The following MITF variants were observed in gnomAD, a reference collection of about 807,000 sequenced individuals.
The protein encoded by MITF is microphthalmia-associated transcription factor.
A neutral mutation model predicts 60.5 loss-of-function variants in MITF; 17 were observed. The ratio of observed to expected loss-of-function variants is 0.28; its 90% CI spans 0.19 to 0.42. MITF has a LOEUF of 0.42. Among genes scored for constraint, MITF ranks in the 10% least tolerant of loss-of-function variants. The pLI, the probability that MITF is intolerant of heterozygous loss-of-function variation, is 1.00. For missense variants in MITF, 622 were observed against 683.5 expected (o/e 0.91, Z 1.00); for synonymous variants, 260 against 248.5 (o/e 1.05, Z -0.43).
At chr3:69,826,566 G>A (rs150164061) in intron 1 of MITF, among the ~76,000 whole-genome samples, 1 of 152,286 alleles carries the variant, frequency 6.6e-6, no homozygotes, top group East Asian at 1.9e-4. Context: ...TTGGAAGACA[G>A]CAAAATGTGA....
At chr3:69,793,732 C>A (rs2062783049) in intron 1 of MITF, among the ~76,000 whole-genome samples, 1 of 152,188 alleles carries the variant, frequency 6.6e-6, no homozygotes. Flanking sequence ...AATGTAATGT[C>A]ACATGCATTA....
chr3:69,905,356 G>T (rs1337746214), intron 2 of MITF, among the ~76,000 whole-genome samples: 2 of 151,810 alleles, frequency 1.3e-5, no homozygotes, highest in Non-Finnish European at 2.9e-5. Context: ...TATATAGGCA[G>T]ACCACAGTTT....
At chr3:69,747,808 G>A (rs765650892) in intron 1 of MITF, among the ~76,000 whole-genome samples, 6 of 152,148 alleles carry the variant, frequency 3.9e-5, no homozygotes, top group Admixed American at 6.5e-5. Context: ...GTCATCCCTT[G>A]TTCTCCTGAC....
intron 9 of MITF, among the ~76,000 whole-genome samples, chr3:69,964,395 C>CA (rs1396407605): frequency 2.6e-5 from 2 of 76,878 alleles, no homozygotes; most frequent in Non-Finnish European, 5.5e-5. Context: ...CACATACTGC[C>CA]AGTGGTACTT....
chr3:69,817,596 A>G (rs922169454), intron 1 of MITF, among the ~76,000 whole-genome samples: 35 of 152,240 alleles, frequency 2.3e-4, no homozygotes, highest in African/African-American at 7.9e-4. Context: ...GAGAAAAGAG[A>G]TGGGAGGGAG....
intron 2 of MITF, among the ~76,000 whole-genome samples, chr3:69,898,800 G>C (rs1263963572): frequency 6.6e-6 from 1 of 152,042 alleles, no homozygotes; most frequent in Non-Finnish European, 1.5e-5. Context: ...GAGTGGAGGG[G>C]AATGGCTGGA....
At chr3:69,959,143 T>G in intron 8 of MITF, 130 bp from the exon 9 acceptor site, 2 of 1,099,202 alleles carry the variant, frequency 1.8e-6, no homozygotes, top group Non-Finnish European at 2.6e-6. Flanking sequence ...AAGCACCACC[T>G]GTTCCCCCAA....
chr3:69,849,175 G>A (rs1014401140), intron 1 of MITF, among the ~76,000 whole-genome samples: 3 of 151,216 alleles, frequency 2.0e-5, no homozygotes, highest in African/African-American at 4.9e-5. Context: ...CATTTTAGCC[G>A]GGGTGGTCTC....
rs1231587306 is a variant in MITF, at chr3:69,879,137, T to G, written c.108T>G (p.Ser36Arg). The change falls in exon 2 of 10, where the codon AGT becomes AGG. Residue 36 changes from serine to arginine, a missense_variant. By Grantham distance (110) the Ser-to-Arg change is moderately radical. Transcript: ENST00000352241. ...ATGCATTTTGGTTTTCCCACAGCAGTTCCGCCGAGCATCCTGGGGCCTCCA... is the reference window on the plus strand; with the variant it reads ...ATGCATTTTGGTTTTCCCACAGCAGGTCCGCCGAGCATCCTGGGGCCTCCA... ...ELKSQPLKSS[S>R]SAEHPGASKP... 1 of 1,614,066 alleles carries G rather than the reference T, an allele frequency of 6.2e-7. No individual in the cohort carries two copies. The highest frequency in any genetic ancestry group is 1.3e-5 in the African/African-American group (1 of 74,936).
chr3:69,937,359 TAAG>T (rs1401901878), intron 2 of MITF, among the ~76,000 whole-genome samples: 2 of 146,568 alleles, frequency 1.4e-5, no homozygotes, highest in African/African-American at 2.6e-5. Context: ...AGTTGGTTCT[TAAG>T]GAGGTGTGTG....
At chr3:69,753,561 G>A (rs912894065) in intron 1 of MITF, among the ~76,000 whole-genome samples, 2 of 152,218 alleles carry the variant, frequency 1.3e-5, no homozygotes, top group Admixed American at 1.3e-4. Context: ...GGCAGTCAAT[G>A]CCAGCCCTTG....
At chr3:69,923,144 T>A (rs1341395032) in intron 2 of MITF, among the ~76,000 whole-genome samples, 2 of 152,142 alleles carry the variant, frequency 1.3e-5, no homozygotes, top group Non-Finnish European at 2.9e-5. Context: ...CAGAAATAAT[T>A]CCGTTGAAAA....
At chr3:69,854,764 A>G (rs1001981688) in intron 1 of MITF, among the ~76,000 whole-genome samples, 8 of 152,130 alleles carry the variant, frequency 5.3e-5, no homozygotes, top group Non-Finnish European at 1.0e-4. Context: ...CCTGGCCTCT[A>G]CTCACTAGAT....
At chr3:69,834,846 CTT>C (rs71126468) in intron 1 of MITF, among the ~76,000 whole-genome samples, 4 of 129,650 alleles carry the variant, frequency 3.1e-5, no homozygotes, top group Admixed American at 7.8e-5. Context: ...GTTTTCTTTT[CTT>C]TTTTTTTTTT....
chr3:69,846,397 G>A (rs1438755960), intron 1 of MITF, among the ~76,000 whole-genome samples: 4 of 152,188 alleles, frequency 2.6e-5, no homozygotes, highest in African/African-American at 9.7e-5. Context: ...AAGATTCTAT[G>A]TAGAAGAAGG....
intron 1 of MITF, among the ~76,000 whole-genome samples, chr3:69,803,100 T>A (rs2062949523): frequency 6.6e-6 from 1 of 152,188 alleles, no homozygotes; most frequent in African/African-American, 2.4e-5. Flanking sequence ...CTTATGCAGC[T>A]TCTGTTTTGC....
intron 9 of MITF, among the ~76,000 whole-genome samples, chr3:69,963,561 T>C (rs1231329795): frequency 6.6e-6 from 1 of 152,242 alleles, no homozygotes; most frequent in South Asian, 2.1e-4. Context: ...TATTTTGTTA[T>C]TAAATAACCA....
intron 1 of MITF, among the ~76,000 whole-genome samples, chr3:69,843,250 T>A (rs374180552): frequency 3.0e-5 from 1 of 33,036 alleles, no homozygotes; most frequent in East Asian, 8.4e-4. Context: ...AAGGGTATGT[T>A]GTTTGAGAAA....
At chr3:69,892,742 C>G (rs2064787084) in intron 2 of MITF, among the ~76,000 whole-genome samples, 1 of 152,144 alleles carries the variant, frequency 6.6e-6, no homozygotes, top group Non-Finnish European at 1.5e-5. Context: ...TCTGCAGACC[C>G]CTGACATCTG....
Sources: gnomAD v4.1 joint callset for allele counts (sites outside exome capture counted in the v4.1 genomes callset) on GRCh38, gnomAD v4.1.1 for gene constraint, MANE v1.5 for transcripts, NCBI Gene and HGNC (gene_info 2026-07-23, HGNC 2026-07-21) for gene names.